KHDRBS1: variants seen among roughly 807,000 people sequenced by gnomAD.
KHDRBS1 encodes the protein KH domain-containing, RNA-binding, signal transduction-associated protein 1.
Under a neutral mutation model 48.4 loss-of-function variants are expected in KHDRBS1, and 7 were observed. The observed-to-expected ratio is 0.14, with a 90% CI of 0.08 to 0.27. KHDRBS1 has a LOEUF of 0.27. KHDRBS1 is among the 10% of genes least tolerant of loss of function. KHDRBS1 has a pLI of 1.00. For synonymous variants in KHDRBS1, 241 were observed against 235.8 expected, an observed-to-expected ratio of 1.02 and a Z score of -0.20; for missense variants, 458 against 601.2, an observed-to-expected ratio of 0.76 and a Z score of 2.49.
chr1:32,015,733 T>C (rs1165345090), intron 1 of KHDRBS1, among the ~76,000 whole-genome samples: 1 of 152,244 alleles, frequency 6.6e-6, no homozygotes, highest in Non-Finnish European at 1.5e-5. Context: ...GATGTATGAA[T>C]TCTTTCTAGC....
intron 4 of KHDRBS1, among the ~76,000 whole-genome samples, chr1:32,034,805 G>A (rs1034786144): frequency 1.3e-5 from 2 of 150,930 alleles, no homozygotes; most frequent in African/African-American, 2.4e-5. Flanking sequence ...GTGAAACCCC[G>A]TCTCTACTAA....
At chr1:32,055,130 G>C (rs1057168429) in intron 10 of KHDRBS1, among the ~76,000 whole-genome samples, 1 of 152,104 alleles carries the variant, frequency 6.6e-6, no homozygotes, top group Non-Finnish European at 1.5e-5. Context: ...CTCCTAGCTT[G>C]GTTTCCAGAT....
At chr1:32,059,690 A>G (rs181414582) in intron 10 of KHDRBS1, among the ~76,000 whole-genome samples, 1 of 152,278 alleles carries the variant, frequency 6.6e-6, no homozygotes, top group African/African-American at 2.4e-5. Context: ...CATAACATCC[A>G]TCGCCCCTTG....
intron 10 of KHDRBS1, among the ~76,000 whole-genome samples, chr1:32,059,584 G>A (rs919637652): frequency 6.6e-6 from 1 of 151,674 alleles, no homozygotes; most frequent in Non-Finnish European, 1.5e-5. Context: ...CATTGCTATA[G>A]GTTTTAGCAT....
chr1:32,025,984 G>T (rs1194436191), intron 1 of KHDRBS1, among the ~76,000 whole-genome samples: 1 of 150,606 alleles, frequency 6.6e-6, no homozygotes, highest in African/African-American at 2.5e-5. Flanking sequence ...TCGCTGTGTT[G>T]CCCAAGCTGG....
At chr1:32,014,527 T>G in intron 1 of KHDRBS1, 150 bp downstream of exon 1, 9 of 818,276 alleles carry the variant, frequency 1.1e-5, no homozygotes, top group Admixed American at 4.1e-5. Context: ...GGATTCCACA[T>G]TCCCACCTCA....
chr1:32,059,618 C>T (rs1373390743), intron 10 of KHDRBS1, among the ~76,000 whole-genome samples: 4 of 152,008 alleles, frequency 2.6e-5, no homozygotes, highest in East Asian at 1.9e-4. Flanking sequence ...TTCCCTGTGC[C>T]GCAGATTTAA....
At chr1:32,019,738 AC>A (rs1421496784) in intron 1 of KHDRBS1, among the ~76,000 whole-genome samples, 2 of 152,144 alleles carry the variant, frequency 1.3e-5, no homozygotes, top group Non-Finnish European at 2.9e-5. Flanking sequence ...CATTAAGTAT[AC>A]ATTTATCTGT....
At chr1:32,047,737 A>G (rs2124396247), downstream of KHDRBS1, among the ~76,000 whole-genome samples, 1 of 152,342 alleles carries the variant, frequency 6.6e-6, no homozygotes, top group Admixed American at 6.5e-5. Context: ...TTACAATTTT[A>G]AAGTGTACAA....
chr1:32,050,450 T>G (rs1490258194), intron 10 of KHDRBS1, among the ~76,000 whole-genome samples: 1 of 152,188 alleles, frequency 6.6e-6, no homozygotes, highest in East Asian at 1.9e-4. Context: ...TCATTCAAGG[T>G]CAGGATTGTA....
At chr1:32,015,774 G>T (rs781075163) in intron 1 of KHDRBS1, among the ~76,000 whole-genome samples, 1 of 152,206 alleles carries the variant, frequency 6.6e-6, no homozygotes, top group East Asian at 1.9e-4. Flanking sequence ...GTTGAGCCTG[G>T]CTTTTAAGGT....
chr1:32,045,656 G>A (rs374901351), downstream of KHDRBS1, among the ~76,000 whole-genome samples: 2 of 152,196 alleles, frequency 1.3e-5, no homozygotes, highest in Admixed American at 1.3e-4. Flanking sequence ...TCCACTTGGA[G>A]TTCATTGGTT....
chr1:32,042,734 G>T lies in KHDRBS1; in HGVS notation c.*110G>T. On this transcript the variant is annotated 3_prime_UTR_variant, in exon 9 of 9. Transcript: ENST00000327300. ...ACAACAGACAAGTAATTGTCTAAGT[G>T]TTTTTCTTCGTGGTCCCCTTCTTCT... 1.5e-6 allele frequency: 1 copy of T among 673,512 alleles called. No homozygotes were observed. Among genetic ancestry groups the T allele is most frequent in the East Asian group, 2.8e-5 (1 of 36,318 alleles). The allele number at this position is 673,512 out of a possible 1,614,324, so 41.7% of individuals were successfully genotyped here. A position where few individuals can be genotyped will look rare whatever the true frequency, so the allele number is the denominator to read the frequency against.
At chr1:32,054,999 G>T (rs1639463288) in intron 10 of KHDRBS1, among the ~76,000 whole-genome samples, 1 of 152,140 alleles carries the variant, frequency 6.6e-6, no homozygotes, top group African/African-American at 2.4e-5. Flanking sequence ...CCAAGAGATG[G>T]AGTTTAGACT....
chr1:32,028,924 C>A (rs1394362658), intron 1 of KHDRBS1, among the ~76,000 whole-genome samples: 6 of 151,954 alleles, frequency 3.9e-5, no homozygotes, highest in African/African-American at 1.5e-4. Flanking sequence ...ACTTCATTGC[C>A]ACCTCTATAG....
intron 4 of KHDRBS1, among the ~76,000 whole-genome samples, chr1:32,036,478 A>C (rs1351345944): frequency 1.3e-5 from 2 of 152,122 alleles, no homozygotes; most frequent in Non-Finnish European, 2.9e-5. Context: ...CCTCATTTTG[A>C]AGATTAAACT....
rs1479415997 is a variant in KHDRBS1, at chr1:32,052,458, G to A, written n.1301+7068G>A. 2.0e-5 allele frequency: 3 copies of A among 151,480 alleles called. No homozygotes were observed. The East Asian group carries it at 5.8e-4, about 29-fold the overall frequency. 9.4% of individuals were successfully genotyped at this position (151,480 alleles called of 1,614,324 possible). A position where few individuals can be genotyped will look rare whatever the true frequency, so the allele number is the denominator to read the frequency against. ...TGTCGCCCGGGCTGGATTGCAGTGG[G>A]GCGATCTCTGCTCACTGCAAGCTCC... On this transcript the variant is annotated intron_variant and non_coding_transcript_variant, in intron 10 of 10. Transcript: ENST00000484270.
intron 1 of KHDRBS1, among the ~76,000 whole-genome samples, chr1:32,015,311 GCTGT>G (rs1471313206): frequency 5.3e-5 from 8 of 152,128 alleles, no homozygotes; most frequent in South Asian, 2.1e-4. Flanking sequence ...TTTCCCTAAA[GCTGT>G]CTGACTTTCG....
chr1:32,024,489 T>A (rs1029563784), intron 1 of KHDRBS1, among the ~76,000 whole-genome samples: 10 of 151,360 alleles, frequency 6.6e-5, no homozygotes, highest in African/African-American at 1.9e-4. Flanking sequence ...TTAATTTATT[T>A]TTTTTTTTTT....
Sources: gnomAD v4.1 joint callset for allele counts (sites outside exome capture counted in the v4.1 genomes callset) on GRCh38, gnomAD v4.1.1 for gene constraint, MANE v1.5 for transcripts, NCBI Gene and HGNC (gene_info 2026-07-23, HGNC 2026-07-21) for gene names.